Variants in MCF2L2 observed in about 807,000 individuals in gnomAD.
MCF2L2 encodes the protein MCF.2 cell line derived transforming sequence-like 2, also known as probable guanine nucleotide exchange factor MCF2L2.
MCF2L2 carries 102 observed loss-of-function variants against 150.2 expected under a neutral mutation model. The ratio of observed to expected loss-of-function variants is 0.68; its 90% CI spans 0.58 to 0.80. The LOEUF (loss-of-function observed/expected upper bound fraction) is 0.80. MCF2L2 is among the 30% of genes least tolerant of loss of function. The probability of loss-of-function intolerance (pLI) is 0.00; values close to 1 mark genes in which losing one functional copy is unlikely to be tolerated. For missense variants in MCF2L2, 1,256 were observed against 1,372.8 expected, an observed-to-expected ratio of 0.91 and a Z score of 1.34; for synonymous variants, 465 against 491.3, an observed-to-expected ratio of 0.95 and a Z score of 0.71.
intron 15 of MCF2L2, among the ~76,000 whole-genome samples, chr3:183,253,030 A>G (rs1204591960): frequency 6.6e-6 from 1 of 152,222 alleles, no homozygotes; most frequent in Non-Finnish European, 1.5e-5. Flanking sequence ...CCAGTTGGCC[A>G]TTTGAGTAAG....
Position 183,428,260 on chromosome 3 carries a change from C to T in MCF2L2, c.-283G>A. 2.6e-6 allele frequency: 1 copy of T among 390,180 alleles called. No homozygotes were observed. 24.2% of individuals were successfully genotyped at this position (390,180 alleles called of 1,614,324 possible). ...AAAAGGAAGCAAGTCGCCAATCTCGCCGGAACCGCGCCCCGGCTCCTCCGG... is the reference window on the plus strand; with the variant it reads ...AAAAGGAAGCAAGTCGCCAATCTCGTCGGAACCGCGCCCCGGCTCCTCCGG... On this transcript the variant is annotated 5_prime_UTR_variant, in exon 1 of 30. Coordinates refer to ENST00000328913, the MANE Select transcript of MCF2L2 (RefSeq NM_015078.4). This position sits in a 1 kb window ranked among gnomAD's most constrained non-coding sequence, Gnocchi z 5.1.
At chr3:183,333,656 T>G (rs923212674) in intron 5 of MCF2L2, among the ~76,000 whole-genome samples, 3 of 152,214 alleles carry the variant, frequency 2.0e-5, no homozygotes, top group Admixed American at 6.5e-5. Context: ...AATATACATC[T>G]TACATGGACT....
At chr3:183,248,220 AT>A (rs1225748281) in intron 15 of MCF2L2, among the ~76,000 whole-genome samples, 1 of 152,088 alleles carries the variant, frequency 6.6e-6, no homozygotes, top group African/African-American at 2.4e-5. Flanking sequence ...TGCAGAGCCA[AT>A]TAGGTATTAA....
chr3:183,404,482 T>C (rs149589901), intron 1 of MCF2L2, among the ~76,000 whole-genome samples: 38 of 152,338 alleles, frequency 2.5e-4, no homozygotes, highest in Non-Finnish European at 4.6e-4. Flanking sequence ...GGGTGTAAGT[T>C]TCCCAGAAGG....
intron 1 of MCF2L2, among the ~76,000 whole-genome samples, chr3:183,402,570 G>A (rs1714826102): frequency 6.6e-6 from 1 of 151,834 alleles, no homozygotes; most frequent in Non-Finnish European, 1.5e-5. Context: ...GAGAGGCTGA[G>A]GCAGGAGATC....
chr3:183,382,268 A>T (rs1000039760), intron 2 of MCF2L2, among the ~76,000 whole-genome samples: 19 of 152,094 alleles, frequency 1.2e-4, no homozygotes, highest in Non-Finnish European at 1.5e-5. Flanking sequence ...CATGTTGGCC[A>T]GGCTGGTCTC....
intron 3 of MCF2L2, among the ~76,000 whole-genome samples, chr3:183,365,501 T>C (rs936046596): frequency 6.6e-6 from 1 of 152,194 alleles, no homozygotes; most frequent in African/African-American, 2.4e-5. Context: ...CACCAATTAA[T>C]TCTCAAGTCA....
At chr3:183,404,342 G>A (rs935232553) in intron 1 of MCF2L2, among the ~76,000 whole-genome samples, 2 of 152,016 alleles carry the variant, frequency 1.3e-5, no homozygotes, top group Non-Finnish European at 2.9e-5. Flanking sequence ...TTACAGGTAC[G>A]GCATCATTCC....
At chr3:183,248,260 G>A (rs1724350232) in intron 15 of MCF2L2, among the ~76,000 whole-genome samples, 1 of 151,998 alleles carries the variant, frequency 6.6e-6, no homozygotes, top group Non-Finnish European at 1.5e-5. Flanking sequence ...TGGACCATCT[G>A]ACCACCAAGA....
At chr3:183,404,254 C>T (rs1164166050) in intron 1 of MCF2L2, among the ~76,000 whole-genome samples, 3 of 151,990 alleles carry the variant, frequency 2.0e-5, no homozygotes, top group Non-Finnish European at 4.4e-5. Flanking sequence ...AAAATGAATA[C>T]AATAACACAT....
At chr3:183,320,049 A>G (rs1360699581) in intron 6 of MCF2L2, among the ~76,000 whole-genome samples, 2 of 149,106 alleles carry the variant, frequency 1.3e-5, no homozygotes, top group Non-Finnish European at 3.0e-5. Flanking sequence ...ATGCCGTTTC[A>G]TTTACATTGA....
At chr3:183,228,026 T>TACAC (rs144915150) in intron 18 of MCF2L2, 2 of 140,256 alleles carry the variant, frequency 1.4e-5, no homozygotes, top group Admixed American at 9.7e-5. Flanking sequence ...TATATATACA[T>TACAC]ATACACACAC....
Position 183,270,363 on chromosome 3 carries a change from C to T in MCF2L2, c.1862+6509G>A, listed in dbSNP as rs1263866685. ...TACCTATTGTCCACATGCCAAATTT[C>T]TTATGACTGCTGATGATGACATATT... On this transcript the variant is annotated intron_variant, in intron 15 of 29. Coordinates refer to ENST00000328913, the MANE Select transcript of MCF2L2 (RefSeq NM_015078.4). The surrounding 1 kb of genome is among the most constrained non-coding windows in gnomAD (Gnocchi z 4.5). 5.6e-6 allele frequency: 9 copies of T among 1,614,074 alleles called. No individual in the cohort carries two copies. Among genetic ancestry groups the T allele is most frequent in the Non-Finnish European group, 7.6e-6 (9 of 1,180,038 alleles).
chr3:183,206,305 G>A, intron 23 of MCF2L2, 91 bp from the exon 24 acceptor site: 1 of 945,936 alleles, frequency 1.1e-6, no homozygotes, highest in South Asian at 1.3e-5. Context: ...TTCTATCCTT[G>A]ACAGCTCTCT....
At chr3:183,251,814 G>T (rs1055488760) in intron 15 of MCF2L2, among the ~76,000 whole-genome samples, 2 of 151,782 alleles carry the variant, frequency 1.3e-5, no homozygotes, top group Non-Finnish European at 2.9e-5. Flanking sequence ...AAGGGGACTT[G>T]CCTGTCCTCT....
chr3:183,310,292 G>C (rs13096349), intron 9 of MCF2L2, among the ~76,000 whole-genome samples: 2 of 152,128 alleles, frequency 1.3e-5, no homozygotes, highest in Non-Finnish European at 2.9e-5. Flanking sequence ...ACAGAGGTCA[G>C]GAGATTGAGA....
At chr3:183,404,996 T>C (rs1370836712) in intron 1 of MCF2L2, among the ~76,000 whole-genome samples, 14 of 152,186 alleles carry the variant, frequency 9.2e-5, no homozygotes, top group Admixed American at 8.5e-4. Flanking sequence ...TGAAATCATG[T>C]AGCAAAAAAT....
intron 15 of MCF2L2, among the ~76,000 whole-genome samples, chr3:183,245,995 G>A (rs777015729): frequency 6.6e-6 from 1 of 152,092 alleles, no homozygotes; most frequent in Non-Finnish European, 1.5e-5. Flanking sequence ...AAGAAGATGG[G>A]ATATAAATTA....
At chr3:183,310,181 G>C (rs1729297253) in intron 9 of MCF2L2, among the ~76,000 whole-genome samples, 1 of 151,166 alleles carries the variant, frequency 6.6e-6, no homozygotes, top group Non-Finnish European at 1.5e-5. Context: ...GGCAACATAG[G>C]GAGACCTCGT....
Sources: gnomAD v4.1 joint callset for allele counts (sites outside exome capture counted in the v4.1 genomes callset) on GRCh38, gnomAD v4.1.1 for gene constraint, Gnocchi (gnomAD v3.1) non-coding constraint, MANE v1.5 for transcripts, NCBI Gene and HGNC (gene_info 2026-07-23, HGNC 2026-07-21) for gene names.